Variants in SHLD1 observed in about 807,000 individuals in gnomAD.
The protein encoded by SHLD1 is shieldin complex subunit 1.
In SHLD1, 3 loss-of-function variants were observed where a neutral mutation model predicts 5.5. The observed-to-expected ratio is 0.54, with a 90% CI of 0.25 to 1.40. The LOEUF is 1.40. Among genes scored for constraint, SHLD1 ranks in the 40% most tolerant of loss-of-function variants. The pLI is 0.15. For missense variants in SHLD1, 210 were observed against 244.4 expected (o/e 0.86, Z 0.94); for synonymous variants, 92 against 94.3 (o/e 0.98, Z 0.14).
chr20:5,849,402 T>G lies in SHLD1; in HGVS notation c.179-13622T>G, dbSNP rs1441390666. ...AGGAAAGGAGGATTGGCTTGGAGTG[T>G]CATAGGACAAATCCGTGGAGGTTTA... is the stretch of plus-strand genomic sequence containing the variant. On this transcript the variant is annotated intron_variant, in intron 2 of 2. Coordinates refer to ENST00000303142, the MANE Select transcript of SHLD1 (RefSeq NM_152504.4). Among the ~76,000 whole-genome samples, 4 of 152,196 alleles carry G rather than the reference T, an allele frequency of 2.6e-5. No homozygotes were observed. The East Asian group carries it at 7.7e-4, about 29-fold the overall frequency.
At chr20:5,773,186 A>C in intron 2 of SHLD1, 143 bp downstream of exon 2, 1 of 941,366 alleles carries the variant, frequency 1.1e-6, no homozygotes, top group Non-Finnish European at 1.7e-6. Context: ...TACCTAAGCA[A>C]AGCTTTCAGG....
chr20:5,805,130 TA>T (rs1269373550), intron 2 of SHLD1, among the ~76,000 whole-genome samples: 1 of 151,444 alleles, frequency 6.6e-6, no homozygotes, highest in Non-Finnish European at 1.5e-5. Context: ...TTCCCCTCCT[TA>T]ATCTTCTTTA....
At chr20:5,856,189 C>G (rs1005189525) in intron 2 of SHLD1, among the ~76,000 whole-genome samples, 1 of 152,220 alleles carries the variant, frequency 6.6e-6, no homozygotes, top group Non-Finnish European at 1.5e-5. Flanking sequence ...CACTGATTAA[C>G]GTCTGAGCAG....
chr20:5,801,525 C>A (rs2087294281), intron 2 of SHLD1, among the ~76,000 whole-genome samples: 1 of 152,192 alleles, frequency 6.6e-6, no homozygotes, highest in South Asian at 2.1e-4. Flanking sequence ...ACTTACGTGG[C>A]CCCAGGACGT....
intron 2 of SHLD1, among the ~76,000 whole-genome samples, chr20:5,794,624 G>A (rs528634179): frequency 6.6e-6 from 1 of 152,250 alleles, no homozygotes; most frequent in African/African-American, 2.4e-5. Context: ...GTCAACAGAT[G>A]CCTTCTTATT....
At chr20:5,798,617 C>CTTTT (rs35976290) in intron 2 of SHLD1, among the ~76,000 whole-genome samples, 1 of 136,776 alleles carries the variant, frequency 7.3e-6, no homozygotes, top group African/African-American at 2.8e-5. Flanking sequence ...TTTTAGTTTT[C>CTTTT]TTTTTTTTTT....
chr20:5,836,086 C>T (rs1262386215), intron 2 of SHLD1, among the ~76,000 whole-genome samples: 1 of 151,060 alleles, frequency 6.6e-6, no homozygotes, highest in Non-Finnish European at 1.5e-5. Flanking sequence ...GTTGCCTTGA[C>T]AACTGGTTGT....
intron 2 of SHLD1, among the ~76,000 whole-genome samples, chr20:5,802,343 G>A (rs914880624): frequency 5.9e-5 from 9 of 152,318 alleles, no homozygotes; most frequent in Middle Eastern, 3.4e-3. Flanking sequence ...TTGAGACACT[G>A]TTAGGGGTCA....
chr20:5,790,221 C>A (rs1214558549), intron 2 of SHLD1, among the ~76,000 whole-genome samples: 1 of 152,102 alleles, frequency 6.6e-6, no homozygotes, highest in East Asian at 1.9e-4. Flanking sequence ...CTTCTTCCTC[C>A]CAGGGAGCCT....
At chr20:5,802,809 G>A (rs1216477622) in intron 2 of SHLD1, among the ~76,000 whole-genome samples, 1 of 152,068 alleles carries the variant, frequency 6.6e-6, no homozygotes, top group Admixed American at 6.6e-5. Context: ...ACGTTGCCCA[G>A]TGTCTCAAGC....
chr20:5,858,654 C>G (rs1160600562), intron 2 of SHLD1, among the ~76,000 whole-genome samples: 2 of 152,114 alleles, frequency 1.3e-5, no homozygotes, highest in Non-Finnish European at 2.9e-5. Context: ...GCCAACATGG[C>G]AAAACCCCAT....
chr20:5,844,598 T>C (rs1031005398), intron 2 of SHLD1, among the ~76,000 whole-genome samples: 1 of 151,934 alleles, frequency 6.6e-6, no homozygotes, highest in African/African-American at 2.4e-5. Context: ...ATAATCATAG[T>C]CCTCCTGCTG....
rs532799221 is a variant in SHLD1, at chr20:5,830,173, T to G, written c.179-32851T>G. ...CGTATGTTCATGGAGAGACATGCAC[T>G]GAAATAGTCACAGCAACACTCATAA... On this transcript the variant is annotated intron_variant, in intron 2 of 2. Transcript: ENST00000303142. Among the ~76,000 whole-genome samples the G allele has an allele frequency of 2.6e-4, 39 of 152,276 alleles. No homozygotes were observed. In the South Asian group the frequency reaches 8.1e-3, roughly 32 times the overall value.
intron 2 of SHLD1, among the ~76,000 whole-genome samples, chr20:5,826,968 C>T: frequency 6.6e-6 from 1 of 152,026 alleles, no homozygotes; most frequent in East Asian, 1.9e-4. Flanking sequence ...CAGACCCTCC[C>T]TCTCTGCATT....
At chr20:5,771,950 C>T (rs1251067828) in intron 1 of SHLD1, 3 of 422,928 alleles carry the variant, frequency 7.1e-6, no homozygotes, top group Admixed American at 2.7e-5. Flanking sequence ...TCTCCGCTCA[C>T]TGCAACCTCC....
chr20:5,764,759 A>G (rs1984731422), intron 1 of SHLD1, among the ~76,000 whole-genome samples: 1 of 152,162 alleles, frequency 6.6e-6, no homozygotes. Flanking sequence ...AAAGTTGGAT[A>G]GATGGATCGT....
At chr20:5,826,108 C>T (rs1192153259) in intron 2 of SHLD1, among the ~76,000 whole-genome samples, 4 of 152,318 alleles carry the variant, frequency 2.6e-5, no homozygotes, top group Non-Finnish European at 4.4e-5. Flanking sequence ...GGTGTGAATA[C>T]GACTGCAGGT....
At chr20:5,780,959 A>G (rs6053676) in intron 2 of SHLD1, among the ~76,000 whole-genome samples, 34,461 of 152,110 alleles carry the variant, frequency 0.23, 4,040 homozygotes, top group Middle Eastern at 0.32. Flanking sequence ...GAGACTTAAG[A>G]GCACTTTCCA....
At chr20:5,788,660 A>G (rs1242927887) in intron 2 of SHLD1, among the ~76,000 whole-genome samples, 2 of 152,238 alleles carry the variant, frequency 1.3e-5, no homozygotes, top group African/African-American at 2.4e-5. Context: ...TGCCTACTCG[A>G]GGTAGAATTA....
Sources: allele counts gnomAD v4.1 joint callset (sites outside exome capture counted in the v4.1 genomes callset), GRCh38; gene constraint gnomAD v4.1.1; transcripts MANE v1.5; gene names NCBI Gene and HGNC (gene_info 2026-07-23, HGNC 2026-07-21).